Variants in DCLK3 observed in about 807,000 individuals in gnomAD.
DCLK3 encodes the protein serine/threonine-protein kinase DCLK3.
Under a neutral mutation model 46.4 loss-of-function variants are expected in DCLK3, and 30 were observed. The observed-to-expected ratio is 0.65, with a 90% CI of 0.48 to 0.88. The LOEUF (loss-of-function observed/expected upper bound fraction) is 0.88, where lower values mean the gene tolerates loss of function less well. Among genes scored for constraint, DCLK3 ranks in the 40% least tolerant of loss-of-function variants. The pLI, the probability that DCLK3 is intolerant of heterozygous loss-of-function variation, is 0.00. For missense variants in DCLK3, 846 were observed against 907.1 expected (o/e 0.93, Z 0.87); for synonymous variants, 401 against 339.2 (o/e 1.18, Z -2.00).
chr3:36,753,995 A>G (rs982548617), intron 1 of DCLK3, among the ~76,000 whole-genome samples: 1 of 152,168 alleles, frequency 6.6e-6, no homozygotes, highest in Non-Finnish European at 1.5e-5. Context: ...CCCACTTCTT[A>G]ATATGAGTAT....
chr3:36,739,235 T>C (rs1325784200), intron 1 of DCLK3, among the ~76,000 whole-genome samples, 151 bp from the exon 2 acceptor site: 2 of 152,240 alleles, frequency 1.3e-5, no homozygotes, highest in Admixed American at 1.3e-4. Context: ...AGAGCCTTTA[T>C]ACTTAGGTCT....
rs1701307902 is a variant in DCLK3, at chr3:36,738,845, G to C, written c.322C>G (p.Arg108Gly). ...TVVKLGGQRPRKITLLLNRRS... is the reference protein window; with the variant it reads ...TVVKLGGQRPGKITLLLNRRS... The stretch of plus-strand genomic sequence containing the variant: ...CTGTTGAGGAGCAGAGTGATCTTTC[G>C]GGGGCGCTGCCCACCCAGCTTCACT... Residue 108 changes from arginine to glycine, a missense_variant, in exon 2 of 5, where the codon CGA (arginine) becomes GGA (glycine). By Grantham distance (125) the Arg-to-Gly change is moderately radical. This residue lies in a region of DCLK3 where 553 missense variants were observed against 543.0 expected (regional missense o/e 1.02). Transcript: ENST00000636136. 2 of 693,666 alleles carry C rather than the reference G, an allele frequency of 2.9e-6. No homozygotes were observed. Among genetic ancestry groups the C allele is most frequent in the Non-Finnish European group, 2.1e-6 (1 of 487,544 alleles). The allele number at this position is 693,666 out of a possible 1,614,324, so 43.0% of individuals were successfully genotyped here.
chr3:36,730,134 G>A (rs185420015), intron 2 of DCLK3, among the ~76,000 whole-genome samples: 2 of 151,808 alleles, frequency 1.3e-5, no homozygotes, highest in Non-Finnish European at 2.9e-5. Flanking sequence ...TCACACCACT[G>A]CACCCAGCCT....
chr3:36,756,673 G>A (rs1701487032), intron 1 of DCLK3, among the ~76,000 whole-genome samples: 1 of 152,080 alleles, frequency 6.6e-6, no homozygotes, highest in African/African-American at 2.4e-5. Context: ...GGCTGTTATT[G>A]CTAGGAAATC....
At chr3:36,730,191 TATACACACACACAC>T (rs1238565751) in intron 2 of DCLK3, among the ~76,000 whole-genome samples, 17 of 108,880 alleles carry the variant, frequency 1.6e-4, no homozygotes, top group Admixed American at 3.7e-4. Context: ...ATACACCATA[TATACACACACACAC>T]ACACACACAC....
intron 1 of DCLK3, among the ~76,000 whole-genome samples, chr3:36,744,109 G>A (rs919124251): frequency 1.3e-5 from 2 of 152,110 alleles, no homozygotes; most frequent in Non-Finnish European, 2.9e-5. Context: ...CAACTAAACT[G>A]TAAGCTCTCC....
At chr3:36,732,864 A>T (rs1194458670) in intron 2 of DCLK3, among the ~76,000 whole-genome samples, 1 of 152,226 alleles carries the variant, frequency 6.6e-6, no homozygotes, top group Admixed American at 6.5e-5. Context: ...AGTGACTACC[A>T]TAGCAATAAT....
intron 1 of DCLK3, among the ~76,000 whole-genome samples, chr3:36,742,183 A>G (rs1701349984): frequency 6.6e-6 from 1 of 152,184 alleles, no homozygotes; most frequent in Non-Finnish European, 1.5e-5. Flanking sequence ...CCCAAATTAC[A>G]ATAGGACCAG....
intron 1 of DCLK3, among the ~76,000 whole-genome samples, chr3:36,741,195 T>C (rs910036847): frequency 6.6e-6 from 1 of 152,236 alleles, no homozygotes; most frequent in Non-Finnish European, 1.5e-5. Context: ...CTAGTTTGTA[T>C]TTCCTGCATT....
chr3:36,754,933 A>G (rs1000544525), intron 1 of DCLK3, among the ~76,000 whole-genome samples: 7 of 152,144 alleles, frequency 4.6e-5, no homozygotes, highest in Non-Finnish European at 4.4e-5. Flanking sequence ...TAAGGCAAAA[A>G]AAATCATTAA....
At chr3:36,719,936 G>C (rs1701034733) in intron 3 of DCLK3, among the ~76,000 whole-genome samples, 1 of 152,174 alleles carries the variant, frequency 6.6e-6, no homozygotes, top group Non-Finnish European at 1.5e-5. Context: ...GCCACACCAA[G>C]TCTAAACATC....
At chr3:36,743,932 C>T (rs1000344252) in intron 1 of DCLK3, among the ~76,000 whole-genome samples, 1 of 152,176 alleles carries the variant, frequency 6.6e-6, no homozygotes, top group Non-Finnish European at 1.5e-5. Context: ...CTCGTAAGTT[C>T]GCAGTGATAG....
Position 36,737,113 on chromosome 3 carries a change from G to T in DCLK3, c.1959+95C>A. On this transcript the variant is annotated intron_variant, in intron 2 of 4. Transcript: ENST00000636136. This position sits in a 1 kb window ranked among gnomAD's most constrained non-coding sequence, Gnocchi z 4.4. ...ATAATAACATAAAAGTAAAATTCTA[G>T]TGTGTAAAGGTGACAGAGTATAAAA... The T allele has an allele frequency of 1.4e-6, 2 of 1,436,342 alleles. No homozygotes were observed. Among genetic ancestry groups the T allele is most frequent in the Non-Finnish European group, 1.9e-6 (2 of 1,080,346 alleles). 89.0% of individuals were successfully genotyped at this position (1,436,342 alleles called of 1,614,324 possible).
chr3:36,729,331 T>C (rs1701167622), intron 2 of DCLK3, among the ~76,000 whole-genome samples: 1 of 151,508 alleles, frequency 6.6e-6, no homozygotes, highest in South Asian at 2.1e-4. Flanking sequence ...TTTTGCAGCC[T>C]AGCTAAACTC....
intron 2 of DCLK3, among the ~76,000 whole-genome samples, chr3:36,733,163 A>G (rs1701220304): frequency 6.6e-6 from 1 of 152,174 alleles, no homozygotes; most frequent in African/African-American, 2.4e-5. Flanking sequence ...ACCTGTTCCC[A>G]CCATCACCAC....
chr3:36,750,027 A>G (rs956491509), intron 1 of DCLK3, among the ~76,000 whole-genome samples: 5 of 152,172 alleles, frequency 3.3e-5, no homozygotes. Context: ...AAGAAGAAAT[A>G]AATTTCTTTT....
At chr3:36,735,407 G>A (rs1005400540) in intron 2 of DCLK3, among the ~76,000 whole-genome samples, 3 of 152,198 alleles carry the variant, frequency 2.0e-5, no homozygotes, top group Non-Finnish European at 1.5e-5. Flanking sequence ...CAGTCAAACT[G>A]CTTCTGTAAT....
chr3:36,730,515 TTCAAATAAA>T (rs1701186902), intron 2 of DCLK3, among the ~76,000 whole-genome samples: 2 of 152,210 alleles, frequency 1.3e-5, no homozygotes, highest in South Asian at 4.1e-4. Flanking sequence ...ATGAACAATA[TTCAAATAAA>T]TATGTAATCT....
chr3:36,733,715 A>G (rs1701226072), intron 2 of DCLK3, among the ~76,000 whole-genome samples: 1 of 152,200 alleles, frequency 6.6e-6, no homozygotes, highest in Admixed American at 6.5e-5. Context: ...AGATCTCAGG[A>G]GTCTAAATAA....
Sources: allele counts gnomAD v4.1 joint callset (sites outside exome capture counted in the v4.1 genomes callset), GRCh38; gene constraint gnomAD v4.1.1; regional missense constraint gnomAD v4.1.1; non-coding constraint Gnocchi (gnomAD v3.1); transcripts MANE v1.5; gene names NCBI Gene and HGNC (gene_info 2026-07-23, HGNC 2026-07-21).